Variants in FAR2 observed in about 807,000 individuals in gnomAD.
FAR2 encodes the protein fatty acyl-CoA reductase 2.
A neutral mutation model predicts 56.0 loss-of-function variants in FAR2; 19 were observed. The observed-to-expected ratio is 0.34, with a 90% confidence interval of 0.24 to 0.50. The LOEUF is 0.50. FAR2 is among the 20% of genes least tolerant of loss of function. The pLI is 0.98. For synonymous variants in FAR2, 219 were observed against 218.8 expected (o/e 1.00, Z -0.01); for missense variants, 508 against 642.2 (o/e 0.79, Z 2.26).
intron 1 of FAR2, among the ~76,000 whole-genome samples, chr12:29,190,931 G>T (rs972738552): frequency 6.6e-6 from 1 of 152,060 alleles, no homozygotes; most frequent in African/African-American, 2.4e-5. Flanking sequence ...CAACTCTTTG[G>T]GATTAATGGG....
chr12:29,207,523 C>A (rs528641381), intron 1 of FAR2, among the ~76,000 whole-genome samples: 21 of 152,304 alleles, frequency 1.4e-4, no homozygotes, highest in African/African-American at 5.1e-4. Context: ...GGCACTATCA[C>A]CTCCAGAATT....
intron 1 of FAR2, among the ~76,000 whole-genome samples, chr12:29,157,142 A>ATATATATATATATATATATATATG (rs1289279461): frequency 7.3e-6 from 1 of 137,788 alleles, no homozygotes; most frequent in African/African-American, 2.7e-5. Context: ...ATATATATAT[A>ATATATATATATATATATATATATG]TATGTATCAA....
At chr12:29,171,793 C>T (rs966332162) in intron 1 of FAR2, 1 of 153,232 alleles carries the variant, frequency 6.5e-6, no homozygotes, top group Non-Finnish European at 1.5e-5. Flanking sequence ...TGAGGAGCAC[C>T]TCTGCCCGGC....
chr12:29,167,310 A>G (rs539751431), intron 1 of FAR2, among the ~76,000 whole-genome samples: 1 of 152,104 alleles, frequency 6.6e-6, no homozygotes, highest in Non-Finnish European at 1.5e-5. Flanking sequence ...ATCTTGCCTC[A>G]CACTCCACAG....
Position 29,190,758 on chromosome 12 carries a change from C to T in FAR2, c.-39+41351C>T, listed in dbSNP as rs1051622026. Reference sequence around the variant, plus strand: ...GATTACAGGCATGAGCCACCGCGCCCGGCCAAAATTCACGGTGGTTTTTAT... The same window carrying T: ...GATTACAGGCATGAGCCACCGCGCCTGGCCAAAATTCACGGTGGTTTTTAT... On this transcript the variant is annotated intron_variant, in intron 1 of 11. Transcript: ENST00000536681. Among the ~76,000 whole-genome samples, 3 of 148,066 alleles carry T rather than the reference C, an allele frequency of 2.0e-5. No individual in the cohort carries two copies. The Admixed American group carries it at 2.1e-4, about 10-fold the overall frequency.
At chr12:29,284,153 G>A (rs1177834118) in intron 2 of FAR2, among the ~76,000 whole-genome samples, 1 of 152,196 alleles carries the variant, frequency 6.6e-6, no homozygotes, top group Admixed American at 6.5e-5. Flanking sequence ...AAAACCCTAA[G>A]TAGTAGAAAT....
chr12:29,201,104 A>T (rs1412838586), intron 1 of FAR2, among the ~76,000 whole-genome samples: 1 of 152,052 alleles, frequency 6.6e-6, no homozygotes, highest in Non-Finnish European at 1.5e-5. Flanking sequence ...TGGATGCCCT[A>T]TACATCATCT....
chr12:29,288,715 C>T (rs141814314), intron 2 of FAR2, among the ~76,000 whole-genome samples: 256 of 152,228 alleles, frequency 1.7e-3, no homozygotes, highest in Middle Eastern at 3.4e-3. Context: ...CTTGTGTCCT[C>T]GTTTAGCAGT....
chr12:29,295,958 CG>C (rs1343482699), intron 3 of FAR2, among the ~76,000 whole-genome samples: 2 of 150,230 alleles, frequency 1.3e-5, no homozygotes, highest in Non-Finnish European at 3.0e-5. Flanking sequence ...TTAGTAGAGA[CG>C]GGGTTTCACC....
At chr12:29,244,875 GA>G (rs1948100561) in intron 1 of FAR2, among the ~76,000 whole-genome samples, 1 of 152,006 alleles carries the variant, frequency 6.6e-6, no homozygotes, top group Non-Finnish European at 1.5e-5. Context: ...GATCAAATAT[GA>G]TAAGAGTTTA....
At chr12:29,191,900 T>G (rs1950105689) in intron 1 of FAR2, among the ~76,000 whole-genome samples, 1 of 152,236 alleles carries the variant, frequency 6.6e-6, no homozygotes, top group African/African-American at 2.4e-5. Context: ...TTCTTCAAAA[T>G]TGTCTTGTAA....
intron 1 of FAR2, among the ~76,000 whole-genome samples, chr12:29,241,968 T>A (rs1285927532): frequency 6.6e-6 from 1 of 152,184 alleles, no homozygotes; most frequent in African/African-American, 2.4e-5. Context: ...ATGTATTCTG[T>A]GACAGCTGAG....
intron 1 of FAR2, among the ~76,000 whole-genome samples, chr12:29,251,082 AG>A (rs1948201806): frequency 2.0e-5 from 3 of 152,342 alleles, no homozygotes; most frequent in Non-Finnish European, 2.9e-5. Flanking sequence ...CTAGTTGATT[AG>A]GATGTTCCTA....
At chr12:29,308,711 C>T (rs57871570) in intron 5 of FAR2, among the ~76,000 whole-genome samples, 22,718 of 108,518 alleles carry the variant, frequency 0.21, 2,227 homozygotes, top group Middle Eastern at 0.35. Context: ...CACACACACA[C>T]ACACACACAT....
intron 1 of FAR2, among the ~76,000 whole-genome samples, chr12:29,186,558 G>T (rs1271260864): frequency 1.3e-5 from 2 of 152,140 alleles, no homozygotes; most frequent in Non-Finnish European, 2.9e-5. Context: ...ATTTCTGGAT[G>T]AGTCACTTGA....
intron 1 of FAR2, among the ~76,000 whole-genome samples, chr12:29,222,962 A>G (rs1947712596): frequency 6.6e-6 from 1 of 152,242 alleles, no homozygotes; most frequent in Admixed American, 6.5e-5. Context: ...ATTTGGTCCA[A>G]ATGAATTCTA....
intron 1 of FAR2, among the ~76,000 whole-genome samples, chr12:29,208,435 G>A (rs1471785438): frequency 2.6e-5 from 4 of 152,214 alleles, no homozygotes; most frequent in Non-Finnish European, 5.9e-5. Context: ...GGCAGAAAAT[G>A]TTCCCTCTTA....
chr12:29,204,538 G>C (rs1328484456), intron 1 of FAR2, among the ~76,000 whole-genome samples: 1 of 152,188 alleles, frequency 6.6e-6, no homozygotes, highest in Admixed American at 6.5e-5. Flanking sequence ...TCCACAGAAG[G>C]CCTGTGCAAA....
At chr12:29,182,811 C>A (rs1442337488) in intron 1 of FAR2, among the ~76,000 whole-genome samples, 2 of 152,102 alleles carry the variant, frequency 1.3e-5, no homozygotes, top group Admixed American at 6.6e-5. Flanking sequence ...GGGATGAGAC[C>A]CTGAGCAGCA....
Sources: allele counts gnomAD v4.1 joint callset (sites outside exome capture counted in the v4.1 genomes callset), GRCh38; gene constraint gnomAD v4.1.1; transcripts MANE v1.5; gene names NCBI Gene and HGNC (gene_info 2026-07-23, HGNC 2026-07-21).